PAPOLA: variants seen among roughly 807,000 people sequenced by gnomAD.
PAPOLA encodes the protein poly(A) polymerase alpha.
In PAPOLA, 15 loss-of-function variants were observed where a neutral mutation model predicts 100.6. The ratio of observed to expected loss-of-function variants is 0.15; its 90% CI spans 0.10 to 0.23. PAPOLA has a LOEUF of 0.23. PAPOLA is among the 10% of genes least tolerant of loss of function. The pLI is 1.00. For synonymous variants in PAPOLA, 293 were observed against 300.0 expected (o/e 0.98, Z 0.24); for missense variants, 533 against 884.2 (o/e 0.60, Z 5.04).
chr14:96,525,761 T>C (rs1480082032), intron 4 of PAPOLA, among the ~76,000 whole-genome samples: 1 of 152,070 alleles, frequency 6.6e-6, no homozygotes, highest in Non-Finnish European at 1.5e-5. Context: ...CAAGAAAAAG[T>C]AAATAAATAA....
chr14:96,507,518 G>T (rs1340897994), intron 1 of PAPOLA, among the ~76,000 whole-genome samples: 3 of 151,888 alleles, frequency 2.0e-5, no homozygotes, highest in East Asian at 1.9e-4. Context: ...CTCGTGATCC[G>T]CCTGCCTCGG....
intron 10 of PAPOLA, chr14:96,535,305 T>C (rs1899420887): frequency 2.0e-6 from 2 of 984,682 alleles, no homozygotes; most frequent in Non-Finnish European, 2.4e-6. Flanking sequence ...GCATTTACTT[T>C]TAGAGGATGT....
chr14:96,526,228 C>T (rs1224956704), intron 4 of PAPOLA: 2 of 152,150 alleles, frequency 1.3e-5, no homozygotes, highest in African/African-American at 4.8e-5. Context: ...TTAGTTCTTC[C>T]AGTACTGTTA....
At chr14:96,505,202 C>T (rs1460096159) in intron 1 of PAPOLA, among the ~76,000 whole-genome samples, 1 of 152,096 alleles carries the variant, frequency 6.6e-6, no homozygotes, top group Non-Finnish European at 1.5e-5. Context: ...GGTGCCTGTC[C>T]TGTGTATTGT....
At chr14:96,509,575 A>C (rs1269790639) in intron 1 of PAPOLA, among the ~76,000 whole-genome samples, 1 of 152,192 alleles carries the variant, frequency 6.6e-6, no homozygotes, top group Non-Finnish European at 1.5e-5. Context: ...TTCAGATTTT[A>C]TTGTGGGAAC....
chr14:96,516,713 G>A (rs920304560), intron 1 of PAPOLA, among the ~76,000 whole-genome samples: 3 of 152,200 alleles, frequency 2.0e-5, no homozygotes, highest in African/African-American at 7.2e-5. Context: ...GAGGCTAGAT[G>A]ATGTGCCTAC....
At chr14:96,512,235 G>A (rs1260713841) in intron 1 of PAPOLA, among the ~76,000 whole-genome samples, 1 of 151,838 alleles carries the variant, frequency 6.6e-6, no homozygotes, top group East Asian at 1.9e-4. Flanking sequence ...TTCTATGAAT[G>A]TGTTATGGAC....
chr14:96,538,675 A>G (rs1416760020), intron 12 of PAPOLA, among the ~76,000 whole-genome samples: 1 of 151,944 alleles, frequency 6.6e-6, no homozygotes, highest in African/African-American at 2.4e-5. Context: ...TCCATACCAA[A>G]TTCTATTTAT....
intron 14 of PAPOLA, among the ~76,000 whole-genome samples, chr14:96,543,810 A>G (rs1900180897): frequency 6.6e-6 from 1 of 151,780 alleles, no homozygotes; most frequent in Non-Finnish European, 1.5e-5. Flanking sequence ...TTTTTCCCAG[A>G]TTTTTCTAAA....
At chr14:96,550,296 A>C (rs1318652888) in intron 16 of PAPOLA, among the ~76,000 whole-genome samples, 1 of 152,224 alleles carries the variant, frequency 6.6e-6, no homozygotes, top group Non-Finnish European at 1.5e-5. Context: ...TATTTATAAC[A>C]GATAATTAGA....
intron 4 of PAPOLA, 172 bp from the exon 5 acceptor site, chr14:96,527,257 AT>A: frequency 1.7e-6 from 1 of 580,844 alleles, no homozygotes. Context: ...TACCACATCA[AT>A]TAAAATCATG....
In PAPOLA at chr14:96,552,830, A is replaced by G. The variant is rs147687036; in HGVS notation, c.1664+208A>G. On this transcript the variant is annotated intron_variant, in intron 17 of 21. Transcript: ENST00000216277. ...ACTTAACATTTTATTTTTGAGACTG[A>G]TAATGTCTTCAGTCAGATGTGAATG... 1.5e-3 allele frequency: 803 copies of G among 531,660 alleles called. 4 individuals are homozygous for G. In the East Asian group the frequency reaches 0.024, roughly 16 times the overall value. 32.9% of individuals were successfully genotyped at this position (531,660 alleles called of 1,614,324 possible).
At chr14:96,558,139 G>A (rs1901518207) in intron 19 of PAPOLA, among the ~76,000 whole-genome samples, 1 of 14,080 alleles carries the variant, frequency 7.1e-5, no homozygotes, top group Non-Finnish European at 1.1e-4. Flanking sequence ...AACAGAATTA[G>A]TTTTTGGGGT....
chr14:96,510,329 T>C (rs1374417218), intron 1 of PAPOLA, among the ~76,000 whole-genome samples: 1 of 152,236 alleles, frequency 6.6e-6, no homozygotes, highest in African/African-American at 2.4e-5. Flanking sequence ...TTTCGTACTT[T>C]TTCAGGTCCT....
intron 4 of PAPOLA, among the ~76,000 whole-genome samples, chr14:96,525,634 C>G (rs891291749): frequency 6.6e-6 from 1 of 152,028 alleles, no homozygotes; most frequent in Non-Finnish European, 1.5e-5. Flanking sequence ...ATCTGTAATC[C>G]TAGAACTTTG....
intron 19 of PAPOLA, among the ~76,000 whole-genome samples, chr14:96,559,619 ATATATATATATGTG>A (rs1901675696): frequency 6.8e-6 from 1 of 146,314 alleles, no homozygotes. Flanking sequence ...ATATATATGT[ATATATATATATGTG>A]TATATATGTA....
In PAPOLA at chr14:96,524,583, G is replaced by A. The variant is rs544181697; in HGVS notation, c.250-727G>A. On this transcript the variant is annotated intron_variant, in intron 3 of 21. Transcript: ENST00000216277. ...GTCGCCCAGGCTAGAGTGCAGTGGC[G>A]TGATCATGGCTCACGTAGCCTTGAC... Among the ~76,000 whole-genome samples, 20 of 151,796 alleles carry A rather than the reference G, an allele frequency of 1.3e-4. No homozygotes were observed. The East Asian group carries it at 3.7e-3, about 28-fold the overall frequency.
At chr14:96,515,126 G>T (rs1323856552) in intron 1 of PAPOLA, among the ~76,000 whole-genome samples, 1 of 152,142 alleles carries the variant, frequency 6.6e-6, no homozygotes, top group Non-Finnish European at 1.5e-5. Context: ...AACTAGAATA[G>T]TTGAAAACGA....
intron 1 of PAPOLA, among the ~76,000 whole-genome samples, chr14:96,516,530 G>C (rs900546819): frequency 5.3e-5 from 8 of 152,078 alleles, no homozygotes; most frequent in African/African-American, 1.9e-4. Context: ...AGAGATGGGT[G>C]TCTTGCTGTG....
Sources: gnomAD v4.1 joint callset for allele counts (sites outside exome capture counted in the v4.1 genomes callset) on GRCh38, gnomAD v4.1.1 for gene constraint, MANE v1.5 for transcripts, NCBI Gene and HGNC (gene_info 2026-07-23, HGNC 2026-07-21) for gene names.